ARHGEF6: variants seen among roughly 807,000 people sequenced by gnomAD.
The protein encoded by ARHGEF6 is Rac/Cdc42 guanine nucleotide exchange factor 6.
A neutral mutation model predicts 70.3 loss-of-function variants in ARHGEF6; 9 were observed. The observed-to-expected ratio is 0.13, with a 90% CI of 0.08 to 0.22. The LOEUF (loss-of-function observed/expected upper bound fraction) is 0.22. Ranked by LOEUF, ARHGEF6 falls within the 10% of genes least tolerant of loss-of-function variation. The pLI is 1.00. For missense variants in ARHGEF6, 470 were observed against 563.0 expected (o/e 0.83, Z 1.67); for synonymous variants, 201 against 207.8 (o/e 0.97, Z 0.28).
chrX:136,761,642 T>C (rs2077264407), intron 2 of ARHGEF6, among the ~76,000 whole-genome samples: 1 of 112,393 alleles, frequency 8.9e-6, no homozygotes, highest in Non-Finnish European at 1.9e-5. Context: ...TCACTATTCA[T>C]CTAAGACGCC....
At chrX:136,681,789 C>T (rs2076335313) in intron 14 of ARHGEF6, 101 bp downstream of exon 14, 5 of 770,561 alleles carry the variant, frequency 6.5e-6, no homozygotes, top group South Asian at 4.3e-5. Flanking sequence ...AAAATTTGCT[C>T]GTGGCCTATG....
At chrX:136,770,116 T>G (rs764955350) in intron 2 of ARHGEF6, among the ~76,000 whole-genome samples, 1 of 112,166 alleles carries the variant, frequency 8.9e-6, no homozygotes, top group African/African-American at 3.2e-5. Flanking sequence ...TGACATTATC[T>G]ATCACAATTT....
chrX:136,705,450 A>T (rs2076617225), intron 9 of ARHGEF6, among the ~76,000 whole-genome samples: 1 of 111,995 alleles, frequency 8.9e-6, no homozygotes, highest in African/African-American at 3.2e-5. Flanking sequence ...TATATGTCTT[A>T]ATAAAAATAT....
At position 136,667,106 on chromosome X, in the gene ARHGEF6, T is replaced by A. The variant is rs1183327287; in HGVS notation, c.*923A>T. 1.8e-5 allele frequency: 2 copies of A among 112,648 alleles called. No homozygotes were observed. Among genetic ancestry groups the A allele is most frequent in the Non-Finnish European group, 3.7e-5 (2 of 53,343 alleles). 9.3% of individuals were successfully genotyped at this position (112,648 alleles called of 1,213,427 possible). A position where few individuals can be genotyped will look rare whatever the true frequency, so the allele number is the denominator to read the frequency against. ...CTCCTCACAGTCTAACTACATTTTT[T>A]TAAAAAGTAAGCAAAGCACATACAT... is the stretch of plus-strand genomic sequence containing the variant. On this transcript the variant is annotated 3_prime_UTR_variant, in exon 22 of 22. Transcript: ENST00000250617.
intron 9 of ARHGEF6, among the ~76,000 whole-genome samples, chrX:136,704,922 A>C (rs1278615379): frequency 8.9e-6 from 1 of 112,398 alleles, no homozygotes; most frequent in Non-Finnish European, 1.9e-5. Context: ...AAAGACTGAC[A>C]ATAACAAATG....
In ARHGEF6 at chrX:136,685,769, C is replaced by T. The variant is rs759340844; in HGVS notation, c.1300G>A (p.Glu434Lys). Residue 434 changes from glutamate (E) to lysine (K), a missense_variant, in exon 12 of 22, where the codon GAA becomes AAA. By Grantham distance (56) the Glu-to-Lys change is moderately conservative. Around this residue, in one of 3 missense-constraint regions of ARHGEF6, gnomAD observed 379 missense variants for 449.3 expected, o/e 0.84. Coordinates refer to ENST00000250617, the MANE Select transcript of ARHGEF6 (RefSeq NM_004840.3). ...RKQLELQILS[E>K]PIQAWEGEDI... is the part of the protein sequence containing the mutation. The stretch of plus-strand genomic sequence containing the variant: ...TCTCCTTCCCATGCCTGAATAGGTT[C>T]GGACAGTATCTGTAACTCCAGCTGT... The T allele has an allele frequency of 5.8e-6, 7 of 1,211,014 alleles. No individual in the cohort carries two copies. The highest frequency in any genetic ancestry group is 4.3e-5 in the Admixed American group (2 of 46,018).
intron 5 of ARHGEF6, among the ~76,000 whole-genome samples, chrX:136,741,525 C>CT (rs151204948): frequency 3.3e-3 from 321 of 96,282 alleles, no homozygotes; most frequent in Middle Eastern, 5.5e-3. Context: ...ATTTTCTTTT[C>CT]TTTTTTTTTT....
At chrX:136,751,994 A>G (rs1428871304) in intron 2 of ARHGEF6, among the ~76,000 whole-genome samples, 2 of 111,745 alleles carry the variant, frequency 1.8e-5, no homozygotes, top group Admixed American at 9.5e-5. Flanking sequence ...AAAATGATGG[A>G]GCCAATAAAG....
chrX:136,776,154 T>G (rs2077402908), intron 2 of ARHGEF6, among the ~76,000 whole-genome samples: 1 of 111,215 alleles, frequency 9.0e-6, no homozygotes, highest in African/African-American at 3.3e-5. Flanking sequence ...CCCATCAAAA[T>G]ACCATAATAA....
chrX:136,670,779 A>G (rs2076217724), intron 20 of ARHGEF6, among the ~76,000 whole-genome samples: 1 of 111,817 alleles, frequency 8.9e-6, no homozygotes, highest in African/African-American at 3.3e-5. Context: ...ACTGCACATG[A>G]CACAAAGTCA....
rs759356846 is a variant in ARHGEF6 at position 136,750,036 on chromosome X, T to C, written c.250-2444A>G. Among the ~76,000 whole-genome samples the C allele has an allele frequency of 3.6e-5, 4 of 111,853 alleles. No individual in the cohort carries two copies. In the East Asian group the frequency reaches 1.1e-3, roughly 31 times the overall value. On this transcript the variant is annotated intron_variant, in intron 2 of 21. Transcript: ENST00000250617. The stretch of plus-strand genomic sequence containing the variant: ...TCACAACATTTTCAGCCACTATCAG[T>C]TATTTATGTCTTAGTGGAAATGAGC...
chrX:136,767,251 G>A, intron 2 of ARHGEF6: 4 of 754,975 alleles, frequency 5.3e-6, no homozygotes, highest in Non-Finnish European at 6.3e-6. Flanking sequence ...GCCGGCGAGC[G>A]GGCGGGCAAG....
At chrX:136,701,696 ATTTTTCTTT>A (rs1454674702) in intron 9 of ARHGEF6, among the ~76,000 whole-genome samples, 4 of 89,787 alleles carry the variant, frequency 4.5e-5, no homozygotes, top group Non-Finnish European at 9.0e-5. Context: ...AAAATATTTC[ATTTTTCTTT>A]TTTTTTTTTT....
intron 9 of ARHGEF6, among the ~76,000 whole-genome samples, chrX:136,702,978 A>C (rs2076590779): frequency 8.9e-6 from 1 of 112,042 alleles, no homozygotes; most frequent in Admixed American, 9.5e-5. Context: ...GGGCCATAAA[A>C]CACAACTTCA....
chrX:136,780,894 G>A lies in ARHGEF6; in HGVS notation c.-12C>T. 1 of 1,211,174 alleles carries A rather than the reference G, an allele frequency of 8.3e-7. No homozygotes were observed. Among genetic ancestry groups the A allele is most frequent in the African/African-American group, 1.7e-5 (1 of 57,690 alleles). On this transcript the variant is annotated 5_prime_UTR_variant, in exon 1 of 22. Transcript: ENST00000250617. Reference sequence around the variant, plus strand: ...TCTTCTGGATTCATTACTGAGGACGGTACACTCCAAACAGCACTCTGGGGC... The same window carrying A: ...TCTTCTGGATTCATTACTGAGGACGATACACTCCAAACAGCACTCTGGGGC...
intron 6 of ARHGEF6, among the ~76,000 whole-genome samples, chrX:136,726,592 G>T (rs1195932225): frequency 8.9e-6 from 1 of 111,930 alleles, no homozygotes; most frequent in Non-Finnish European, 1.9e-5. Flanking sequence ...CTACAGCAAA[G>T]GTTACCCGAG....
At chrX:136,778,426 T>G (rs924422332) in intron 2 of ARHGEF6, among the ~76,000 whole-genome samples, 1 of 111,785 alleles carries the variant, frequency 8.9e-6, no homozygotes, top group African/African-American at 3.3e-5. Context: ...ACATAAATTA[T>G]CTCATAGATC....
chrX:136,727,321 TTCTTTTTCTTTCTTTC>T (rs2076864137), intron 6 of ARHGEF6, among the ~76,000 whole-genome samples: 1 of 56,370 alleles, frequency 1.8e-5, no homozygotes, highest in Non-Finnish European at 2.8e-5. Context: ...CTTTCTTTCT[TTCTTTTTCTTTCTTTC>T]TTTCTTTCTT....
chrX:136,747,443 G>A (rs2077105211), intron 3 of ARHGEF6, 65 bp downstream of exon 3: 2 of 1,045,668 alleles, frequency 1.9e-6, no homozygotes, highest in Non-Finnish European at 1.3e-6. Context: ...TGGCTCCTAG[G>A]GTAATCACAA....
Sources: gnomAD v4.1 joint callset for allele counts (sites outside exome capture counted in the v4.1 genomes callset) on GRCh38, gnomAD v4.1.1 for gene constraint, gnomAD v4.1.1 regional missense constraint, MANE v1.5 for transcripts, NCBI Gene and HGNC (gene_info 2026-07-23, HGNC 2026-07-21) for gene names.